Variants in CBX7 observed in about 807,000 individuals in gnomAD.
CBX7 encodes the protein chromobox 7.
In CBX7, 14 loss-of-function variants were observed where a neutral mutation model predicts 31.4. The ratio of observed to expected loss-of-function variants is 0.45; its 90% CI spans 0.29 to 0.70. The LOEUF (loss-of-function observed/expected upper bound fraction) is 0.70, where lower values mean the gene tolerates loss of function less well. CBX7 is among the 30% of genes least tolerant of loss of function. The probability of loss-of-function intolerance (pLI) is 0.11; values close to 1 mark genes in which losing one functional copy is unlikely to be tolerated. For missense variants in CBX7, 269 were observed against 351.9 expected, an observed-to-expected ratio of 0.76 and a Z score of 1.89; for synonymous variants, 159 against 152.6, an observed-to-expected ratio of 1.04 and a Z score of -0.31.
chr22:39,149,639 C>T (rs1428286364), intron 2 of CBX7, 150 bp downstream of exon 2: 8 of 707,726 alleles, frequency 1.1e-5, no homozygotes, highest in South Asian at 9.8e-5. Context: ...AACTGAGGCC[C>T]AGAGAAGATG....
chr22:39,145,890 G>C (rs559475823), intron 2 of CBX7, among the ~76,000 whole-genome samples: 1 of 152,170 alleles, frequency 6.6e-6, no homozygotes, highest in African/African-American at 2.4e-5. Context: ...CAGTGGGAAG[G>C]GGCGCAGCGG....
Position 39,131,516 on chromosome 22 carries a change from A to G in CBX7, c.*2375T>C, listed in dbSNP as rs971483532. 3.5e-4 allele frequency: 53 copies of G among 152,578 alleles called. No individual in the cohort carries two copies. The highest frequency in any genetic ancestry group is 1.3e-3 in the African/African-American group (52 of 41,514). 9.5% of individuals were successfully genotyped at this position (152,578 alleles called of 1,614,324 possible). A position where few individuals can be genotyped will look rare whatever the true frequency, so the allele number is the denominator to read the frequency against. On this transcript the variant is annotated 3_prime_UTR_variant, in exon 6 of 6. Transcript: ENST00000216133. Reference sequence around the variant, plus strand: ...CGGCCCACAGCCTTTTCCCCCAGGGAGCTGGCTCACTACAGCCCATGAGCC... The same window carrying G: ...CGGCCCACAGCCTTTTCCCCCAGGGGGCTGGCTCACTACAGCCCATGAGCC...
chr22:39,134,714 G>T lies in CBX7; in HGVS notation c.285C>A (p.Ala95=), dbSNP rs981931362. 6.4e-7 allele frequency: 1 copy of T among 1,569,274 alleles called. No homozygotes were observed. Residue 95 remains alanine (A), a synonymous_variant, in exon 5 of 6, where the codon GCC becomes GCA. Transcript: ENST00000216133. ...AGAAGCAGAGCTTCTCCTTGCCCTT[G>T]GCCTTGTGGGAGCTCCGCAGGTCCA... ...YSMDLRSSHK[A]KGKEKLCFSL...
chr22:39,134,876 C>T, intron 4 of CBX7, 124 bp from the exon 5 acceptor site: 1 of 670,400 alleles, frequency 1.5e-6, no homozygotes. Context: ...CAACTCCTTC[C>T]CATGCCACGG....
rs1930122799 is a variant in CBX7, at chr22:39,133,568, C to T, written c.*323G>A. Reference sequence around the variant, plus strand: ...GAGAGGGTTTGGGCCTTCCAATGCTCCTTTAACTCCCAGAACCAGCTGCTG... The same window carrying T: ...GAGAGGGTTTGGGCCTTCCAATGCTTCTTTAACTCCCAGAACCAGCTGCTG... On this transcript the variant is annotated 3_prime_UTR_variant, in exon 6 of 6. Transcript: ENST00000216133. 1 of 210,198 alleles carries T rather than the reference C, an allele frequency of 4.8e-6. No individual in the cohort carries two copies. The highest frequency in any genetic ancestry group is 9.5e-6 in the Non-Finnish European group (1 of 105,758). 13.0% of individuals were successfully genotyped at this position (210,198 alleles called of 1,614,324 possible).
chr22:39,141,518 G>A (rs1364517214), intron 2 of CBX7, 82 bp from the exon 3 acceptor site: 3 of 1,198,716 alleles, frequency 2.5e-6, no homozygotes, highest in African/African-American at 3.0e-5. Context: ...GGAGGCCGAG[G>A]CGGGCAAATC....
intron 2 of CBX7, among the ~76,000 whole-genome samples, chr22:39,145,886 G>A (rs1003803026): frequency 6.6e-6 from 1 of 151,956 alleles, no homozygotes; most frequent in Non-Finnish European, 1.5e-5. Context: ...CACGCAGTGG[G>A]AAGGGGCGCA....
intron 2 of CBX7, chr22:39,147,574 G>A (rs949733989): frequency 1.4e-5 from 2 of 143,362 alleles, no homozygotes; most frequent in Non-Finnish European, 3.0e-5. Context: ...CAGGGCCCCC[G>A]AGGAGGGGAA....
chr22:39,134,785 C>T (rs1930191695), intron 4 of CBX7, 33 bp from the exon 5 acceptor site: 4 of 1,103,472 alleles, frequency 3.6e-6, no homozygotes, highest in Middle Eastern at 3.8e-4. Context: ...CGCGGGTCAG[C>T]CCCACCCTCC....
intron 2 of CBX7, among the ~76,000 whole-genome samples, chr22:39,146,425 T>C (rs771557204): frequency 2.6e-5 from 4 of 152,130 alleles, no homozygotes; most frequent in Non-Finnish European, 5.9e-5. Flanking sequence ...GGTTAGGGCC[T>C]CATTTTTATA....
chr22:39,141,922 C>T (rs1485895110), intron 2 of CBX7, among the ~76,000 whole-genome samples: 1 of 152,142 alleles, frequency 6.6e-6, no homozygotes, highest in African/African-American at 2.4e-5. Context: ...CCAGCAACAC[C>T]AGAGTTGTCC....
Position 39,133,954 on chromosome 22 carries a change from G to A in CBX7, c.693C>T (p.Thr231=), listed in dbSNP as rs759946719. 6.2e-6 allele frequency: 10 copies of A among 1,613,824 alleles called. No individual in the cohort carries two copies. The highest frequency in any genetic ancestry group is 1.7e-5 in the Admixed American group (1 of 59,978). ...CTGCCTGGGCCTCGCGGAAGGTGAC[G>A]GTGATGGAGTTGGCGGTGATGTCGG... The part of the protein sequence containing the change: ...TVTDITANSI[T]VTFREAQAAE... The change falls in exon 6 of 6, where the codon ACC becomes ACT. Residue 231 remains threonine, a synonymous_variant. Transcript: ENST00000216133.
At chr22:39,149,486 C>T (rs552701593) in intron 2 of CBX7, 1 of 493,246 alleles carries the variant, frequency 2.0e-6, no homozygotes, top group African/African-American at 1.9e-5. Context: ...GCTGGGCCTT[C>T]ACCTCCCAGT....
intron 2 of CBX7, among the ~76,000 whole-genome samples, chr22:39,144,622 C>A (rs1930578035): frequency 6.6e-6 from 1 of 152,192 alleles, no homozygotes; most frequent in Non-Finnish European, 1.5e-5. Flanking sequence ...CTTCCTCCCC[C>A]CGGAAAAGGC....
At chr22:39,140,519 G>A (rs999966615) in intron 3 of CBX7, among the ~76,000 whole-genome samples, 1 of 152,006 alleles carries the variant, frequency 6.6e-6, no homozygotes, top group African/African-American at 2.4e-5. Flanking sequence ...GAGGGGCAGT[G>A]GAAAAGCCCC....
chr22:39,138,159 A>G (rs1056236712), intron 4 of CBX7, among the ~76,000 whole-genome samples: 4 of 145,768 alleles, frequency 2.7e-5, no homozygotes, highest in African/African-American at 5.1e-5. Flanking sequence ...CTCCAGCCTG[A>G]GCGACAGAGC....
intron 3 of CBX7, among the ~76,000 whole-genome samples, chr22:39,139,406 A>G (rs1213961821): frequency 3.3e-5 from 5 of 152,132 alleles, no homozygotes; most frequent in African/African-American, 7.2e-5. Flanking sequence ...GTGACATGGC[A>G]AAACCCCATT....
rs552064710 is a variant in CBX7 at position 39,149,919 on chromosome 22, G to A, written c.70-87C>T. 5.1e-5 allele frequency: 53 copies of A among 1,029,672 alleles called. No individual in the cohort carries two copies. In the Admixed American group the frequency reaches 8.3e-4, roughly 16 times the overall value. The allele number at this position is 1,029,672 out of a possible 1,614,324, so 63.8% of individuals were successfully genotyped here. On this transcript the variant is annotated intron_variant, in intron 1 of 5. Coordinates refer to ENST00000216133, the MANE Select transcript of CBX7 (RefSeq NM_175709.5). ...GACAGTTAAGGCCCAAAGGAGCCCAGCTCCAAATCCCATCTGCAGACAGGT... is the reference window on the plus strand; with the variant it reads ...GACAGTTAAGGCCCAAAGGAGCCCAACTCCAAATCCCATCTGCAGACAGGT...
chr22:39,145,722 G>A (rs1199009481), intron 2 of CBX7, among the ~76,000 whole-genome samples: 2 of 150,770 alleles, frequency 1.3e-5, no homozygotes, highest in Non-Finnish European at 3.0e-5. Context: ...AAACCGAGGG[G>A]GCGGGGGCGG....
Sources: gnomAD v4.1 joint callset for allele counts (sites outside exome capture counted in the v4.1 genomes callset) on GRCh38, gnomAD v4.1.1 for gene constraint, MANE v1.5 for transcripts, NCBI Gene and HGNC (gene_info 2026-07-23, HGNC 2026-07-21) for gene names.